COQ10B: variants seen among roughly 807,000 people sequenced by gnomAD.
COQ10B encodes the protein coenzyme Q10B.
Under a neutral mutation model 27.6 loss-of-function variants are expected in COQ10B, and 12 were observed. The ratio of observed to expected loss-of-function variants is 0.43; its 90% CI spans 0.28 to 0.70. COQ10B has a LOEUF of 0.70. COQ10B is among the 30% of genes least tolerant of loss of function. COQ10B has a pLI of 0.17. For missense variants in COQ10B, 278 were observed against 288.7 expected, an observed-to-expected ratio of 0.96 and a Z score of 0.27; for synonymous variants, 115 against 103.0, an observed-to-expected ratio of 1.12 and a Z score of -0.71.
Position 197,457,003 on chromosome 2 carries a change from G to A in COQ10B, c.105-2929G>A, listed in dbSNP as rs535871556. 1.6e-4 allele frequency among the ~76,000 whole-genome samples: 25 copies of A among 151,876 alleles called. No individual in the cohort carries two copies. In the South Asian group the frequency reaches 4.8e-3, roughly 29 times the overall value. On this transcript the variant is annotated intron_variant, in intron 1 of 4. Transcript: ENST00000263960. ...TTTCTCTACAAATGGGGGTGGTGGG[G>A]TGGGGGATGGCTTCAGGATGAAACT...
intron 3 of COQ10B, among the ~76,000 whole-genome samples, chr2:197,463,651 TGGG>T (rs2085785528): frequency 6.8e-6 from 1 of 146,488 alleles, no homozygotes; most frequent in Non-Finnish European, 1.5e-5. Context: ...ATAAAAATAT[TGGG>T]GGGCAAAGTG....
intron 3 of COQ10B, among the ~76,000 whole-genome samples, chr2:197,466,937 A>C (rs2085830251): frequency 6.7e-6 from 1 of 149,504 alleles, no homozygotes; most frequent in African/African-American, 2.5e-5. Flanking sequence ...TCCTGGGTTC[A>C]GTTTCCAGAT....
In COQ10B at chr2:197,460,047, A is replaced by T. The variant is rs375172756; in HGVS notation, c.220A>T (p.Lys74Ter). The T allele has an allele frequency of 1.2e-6, 2 of 1,609,814 alleles. No individual in the cohort carries two copies. The highest frequency in any genetic ancestry group is 2.7e-5 in the African/African-American group (2 of 74,750). The change falls in exon 2 of 5, where the codon AAA becomes TAA. Residue 74 changes from lysine to a stop codon, truncating the protein, a stop_gained. Transcript: ENST00000263960. LOFTEE classifies it high-confidence loss of function. ...FFKITAPLIN[K>*]RKEYSERRIL... ...CAAAATCACTGCACCATTAATAAAC[A>T]AAAGGAAAGAATATTCAGAGAGAAG...
At chr2:197,462,811 A>T in intron 3 of COQ10B, 80 bp downstream of exon 3, 1 of 823,028 alleles carries the variant, frequency 1.2e-6, no homozygotes. Context: ...GTAATAGCCT[A>T]AAAAAACTTA....
At chr2:197,468,934 T>C (rs1050078147) in intron 3 of COQ10B, among the ~76,000 whole-genome samples, 2 of 152,184 alleles carry the variant, frequency 1.3e-5, no homozygotes, top group African/African-American at 4.8e-5. Context: ...GCATAATCAG[T>C]CCTAACAATG....
chr2:197,459,855 A>C, intron 1 of COQ10B, 77 bp from the exon 2 acceptor site: 1 of 1,117,690 alleles, frequency 8.9e-7, no homozygotes, highest in Non-Finnish European at 1.3e-6. Flanking sequence ...GTGGATAATT[A>C]CTTTATAGTT....
At chr2:197,472,503 C>CT (rs2085888292) in intron 4 of COQ10B, among the ~76,000 whole-genome samples, 1 of 152,108 alleles carries the variant, frequency 6.6e-6, no homozygotes, top group Admixed American at 6.6e-5. Flanking sequence ...TCATTGGCTA[C>CT]TTTAAGATTG....
chr2:197,454,158 C>A (rs2085670833), intron 1 of COQ10B: 4 of 1,537,762 alleles, frequency 2.6e-6, no homozygotes, highest in Non-Finnish European at 3.5e-6. Flanking sequence ...AAACTAAATA[C>A]AGCCAGCATA....
At chr2:197,469,095 C>T (rs113733908) in intron 3 of COQ10B, among the ~76,000 whole-genome samples, 4 of 152,258 alleles carry the variant, frequency 2.6e-5, no homozygotes, top group South Asian at 2.1e-4. Flanking sequence ...AGTTCAGTGG[C>T]GTAATTATAG....
rs535765980 is a variant in COQ10B, at chr2:197,457,710, G to A, written c.105-2222G>A. Among the ~76,000 whole-genome samples, 52 of 150,254 alleles carry A rather than the reference G, an allele frequency of 3.5e-4. No individual in the cohort carries two copies. In the South Asian group the frequency reaches 0.011, roughly 30 times the overall value. On this transcript the variant is annotated intron_variant, in intron 1 of 4. Coordinates refer to ENST00000263960, the MANE Select transcript of COQ10B (RefSeq NM_025147.5). ...CGTCTCGGCTCACTGCAACCTCCGC[G>A]TCCCAGGTTCAAGCATTTTCCCTGC...
chr2:197,463,660 A>G (rs1450469386), intron 3 of COQ10B, among the ~76,000 whole-genome samples: 1 of 146,728 alleles, frequency 6.8e-6, no homozygotes, highest in Non-Finnish European at 1.5e-5. Flanking sequence ...TTGGGGGGCA[A>G]AGTGGCTCAC....
chr2:197,455,039 C>G (rs2085681455), intron 1 of COQ10B, among the ~76,000 whole-genome samples: 1 of 152,088 alleles, frequency 6.6e-6, no homozygotes, highest in Non-Finnish European at 1.5e-5. Context: ...CTATAGCATG[C>G]AGATTGATCA....
chr2:197,461,627 C>CAGAGAGAG lies in COQ10B; in HGVS notation c.255-881_255-874dup, dbSNP rs66918493. Among the ~76,000 whole-genome samples, 534 of 129,508 alleles carry CAGAGAGAG rather than the reference C, an allele frequency of 4.1e-3. 3 individuals carry two copies. The highest frequency in any genetic ancestry group is 9.4e-3 in the South Asian group (34 of 3,612). The allele number at this position is 129,508 out of a possible 152,430, so 85.0% of individuals were successfully genotyped here. ...GGAGAGGGAGAGGTGTACAGGGTCT[C>CAGAGAGAG]AGAGAGAGAGAGAGAGAGAGAGAGA... On this transcript the variant is annotated intron_variant, in intron 2 of 4. Transcript: ENST00000263960.
chr2:197,472,456 A>C (rs1482608043), intron 4 of COQ10B, among the ~76,000 whole-genome samples: 1 of 151,920 alleles, frequency 6.6e-6, no homozygotes, highest in African/African-American at 2.4e-5. Flanking sequence ...AACAACAACA[A>C]CTACAAAATA....
intron 2 of COQ10B, among the ~76,000 whole-genome samples, chr2:197,460,454 G>A (rs2085744841): frequency 6.6e-6 from 1 of 152,132 alleles, no homozygotes; most frequent in African/African-American, 2.4e-5. Context: ...GCCTCCCAAA[G>A]TGCTGGGATT....
At chr2:197,473,325 G>A (rs1286900275) in intron 4 of COQ10B, among the ~76,000 whole-genome samples, 2 of 148,418 alleles carry the variant, frequency 1.3e-5, no homozygotes, top group Non-Finnish European at 3.0e-5. Context: ...GGCTGAAGTG[G>A]GCAGAATTGC....
At chr2:197,467,918 TC>T (rs1359791140) in intron 3 of COQ10B, among the ~76,000 whole-genome samples, 4 of 152,212 alleles carry the variant, frequency 2.6e-5, no homozygotes, top group Admixed American at 6.5e-5. Flanking sequence ...ACTGCCTGCT[TC>T]ATGATAGAAA....
At chr2:197,464,540 G>A (rs2085803496) in intron 3 of COQ10B, among the ~76,000 whole-genome samples, 1 of 152,076 alleles carries the variant, frequency 6.6e-6, no homozygotes, top group Non-Finnish European at 1.5e-5. Flanking sequence ...AAATGCTGTG[G>A]ACTAGGATTT....
chr2:197,462,208 G>A (rs1319807568), intron 2 of COQ10B, among the ~76,000 whole-genome samples: 2 of 151,066 alleles, frequency 1.3e-5, no homozygotes, highest in Non-Finnish European at 2.9e-5. Context: ...GGTGGAGGTT[G>A]CAGTGAGCCG....
Sources: gnomAD v4.1 joint callset for allele counts (sites outside exome capture counted in the v4.1 genomes callset) on GRCh38, gnomAD v4.1.1 for gene constraint, MANE v1.5 for transcripts, NCBI Gene and HGNC (gene_info 2026-07-23, HGNC 2026-07-21) for gene names.